Variants in GBF1 observed in about 807,000 individuals in gnomAD.
GBF1 encodes the protein golgi brefeldin A resistant guanine nucleotide exchange factor 1.
A neutral mutation model predicts 210.5 loss-of-function variants in GBF1; 114 were observed. The ratio of observed to expected loss-of-function variants is 0.54; its 90% confidence interval spans 0.47 to 0.63. GBF1 has a LOEUF of 0.63. Ranked by LOEUF, GBF1 falls within the 30% of genes least tolerant of loss-of-function variation. The pLI, the probability that GBF1 is intolerant of heterozygous loss-of-function variation, is 0.00. For missense variants in GBF1, 1,851 were observed against 2,357.7 expected, an observed-to-expected ratio of 0.79 and a Z score of 4.45; for synonymous variants, 850 against 889.2, an observed-to-expected ratio of 0.96 and a Z score of 0.78.
intron 20 of GBF1, 70 bp downstream of exon 20, chr10:102,367,280 A>G: frequency 1.3e-6 from 2 of 1,511,684 alleles, no homozygotes; most frequent in Non-Finnish European, 1.8e-6. Flanking sequence ...AGGACATAGG[A>G]TTTCCAGTGG....
At chr10:102,367,846 A>T (rs2059993855) in intron 21 of GBF1, among the ~76,000 whole-genome samples, 1 of 152,218 alleles carries the variant, frequency 6.6e-6, no homozygotes, top group Non-Finnish European at 1.5e-5. Flanking sequence ...TGTATAGATT[A>T]CAAGATGCTG....
chr10:102,336,250 A>C (rs2057725373), intron 3 of GBF1, among the ~76,000 whole-genome samples: 1 of 151,140 alleles, frequency 6.6e-6, no homozygotes, highest in Admixed American at 6.6e-5. Flanking sequence ...GCAGTGAGCC[A>C]AGATCACTCC....
intron 29 of GBF1, among the ~76,000 whole-genome samples, chr10:102,373,914 A>G (rs971042682): frequency 1.3e-5 from 2 of 152,240 alleles, no homozygotes; most frequent in African/African-American, 4.8e-5. Context: ...TGTGGTACAT[A>G]CACACCATGG....
chr10:102,318,063 C>T (rs751202013), intron 3 of GBF1, among the ~76,000 whole-genome samples: 9 of 152,240 alleles, frequency 5.9e-5, no homozygotes, highest in African/African-American at 1.2e-4. Context: ...CGCCTGCCAC[C>T]ACGCCTGGCT....
upstream of GBF1, among the ~76,000 whole-genome samples, chr10:102,240,684 T>C (rs1253056235): frequency 3.9e-5 from 6 of 152,246 alleles, no homozygotes; most frequent in African/African-American, 1.4e-4. Context: ...TGTCCGATTC[T>C]GAGGCGGCCT....
At position 102,366,204 on chromosome 10, in the gene GBF1, G is replaced by A. The variant is rs1003354609; in HGVS notation, c.2310-179G>A. Among the ~76,000 whole-genome samples, 5 of 152,158 alleles carry A rather than the reference G, an allele frequency of 3.3e-5. No homozygotes were observed. The highest frequency in any genetic ancestry group is 6.5e-5 in the Admixed American group (1 of 15,268). On this transcript the variant is annotated intron_variant, in intron 18 of 39. Coordinates refer to ENST00000369983, the MANE Select transcript of GBF1 (RefSeq NM_001377137.1). The surrounding 1 kb of genome is among the most constrained non-coding windows in gnomAD (Gnocchi z 4.0). ...TGAGGGTTCTAGGCAAGAGTCCGTGGATGTGAAAAGTATTAAGGCTAGGGG... is the reference window on the plus strand; with the variant it reads ...TGAGGGTTCTAGGCAAGAGTCCGTGAATGTGAAAAGTATTAAGGCTAGGGG...
intron 1 of GBF1, among the ~76,000 whole-genome samples, chr10:102,253,673 CCTA>C (rs1417521298): frequency 6.6e-6 from 1 of 151,968 alleles, no homozygotes; most frequent in African/African-American, 2.4e-5. Flanking sequence ...GCCACCATGC[CCTA>C]CTAATTTTTA....
chr10:102,291,078 A>G (rs1250686850), intron 3 of GBF1, among the ~76,000 whole-genome samples: 4 of 152,002 alleles, frequency 2.6e-5, no homozygotes, highest in Non-Finnish European at 5.9e-5. Context: ...TCGGATTTGT[A>G]TTACATGTAT....
chr10:102,319,177 G>A (rs770995634), intron 3 of GBF1, among the ~76,000 whole-genome samples: 20 of 152,214 alleles, frequency 1.3e-4, no homozygotes, highest in African/African-American at 2.4e-4. Flanking sequence ...AAAATTAGCC[G>A]GGCGTGGTGG....
At chr10:102,331,785 G>A (rs1294311767) in intron 3 of GBF1, among the ~76,000 whole-genome samples, 1 of 150,600 alleles carries the variant, frequency 6.6e-6, no homozygotes, top group Non-Finnish European at 1.5e-5. Context: ...GGGCTCAAGT[G>A]ATCCACCCCA....
chr10:102,250,747 A>G (rs1198412828), intron 1 of GBF1, among the ~76,000 whole-genome samples: 2 of 152,140 alleles, frequency 1.3e-5, no homozygotes, highest in African/African-American at 4.8e-5. Flanking sequence ...ACCTGAGGTC[A>G]GGAGTTAAAG....
At chr10:102,278,613 C>T (rs369365353) in intron 3 of GBF1, among the ~76,000 whole-genome samples, 8 of 152,066 alleles carry the variant, frequency 5.3e-5, no homozygotes, top group South Asian at 2.1e-4. Context: ...AAACATTTGT[C>T]GTTTCTTTGT....
At chr10:102,352,137 C>T (rs183791053) in intron 6 of GBF1, among the ~76,000 whole-genome samples, 186 bp downstream of exon 6, 321 of 152,284 alleles carry the variant, frequency 2.1e-3, no homozygotes, top group African/African-American at 5.7e-3. Context: ...AGACCTCAGC[C>T]CATTATGCCA....
At chr10:102,368,987 A>T (rs1565172709) in intron 23 of GBF1, among the ~76,000 whole-genome samples, 155 bp downstream of exon 23, 1 of 152,122 alleles carries the variant, frequency 6.6e-6, no homozygotes, top group Non-Finnish European at 1.5e-5. Flanking sequence ...TCTGTCTTGC[A>T]CACTCTGGGA....
intron 3 of GBF1, among the ~76,000 whole-genome samples, chr10:102,277,459 G>A (rs569714022): frequency 2.0e-5 from 3 of 148,546 alleles, no homozygotes; most frequent in African/African-American, 5.0e-5. Context: ...GCGTGATCTC[G>A]GCTCGCCTCC....
intron 29 of GBF1, among the ~76,000 whole-genome samples, chr10:102,371,858 C>T (rs766260779): frequency 1.4e-5 from 2 of 148,070 alleles, no homozygotes; most frequent in Non-Finnish European, 3.0e-5. Context: ...GAACTCAAGG[C>T]GGAGGTTGCA....
chr10:102,242,038 CTCT>C (rs1353940568), upstream of GBF1, among the ~76,000 whole-genome samples: 4 of 152,314 alleles, frequency 2.6e-5, no homozygotes, highest in East Asian at 5.8e-4. Context: ...CCTTTCTTTC[CTCT>C]TCTTTCTCCT....
intron 3 of GBF1, among the ~76,000 whole-genome samples, chr10:102,326,548 T>A (rs2056918222): frequency 6.6e-6 from 1 of 152,134 alleles, no homozygotes; most frequent in African/African-American, 2.4e-5. Context: ...ATAATTAACA[T>A]ACAATAAAAT....
intron 3 of GBF1, among the ~76,000 whole-genome samples, chr10:102,324,718 C>T (rs2056749017): frequency 6.6e-6 from 1 of 152,110 alleles, no homozygotes; most frequent in Non-Finnish European, 1.5e-5. Flanking sequence ...TTCTGAGTAG[C>T]TGGGATTACA....
Sources: allele counts gnomAD v4.1 joint callset (sites outside exome capture counted in the v4.1 genomes callset), GRCh38; gene constraint gnomAD v4.1.1; non-coding constraint Gnocchi (gnomAD v3.1); transcripts MANE v1.5; gene names NCBI Gene and HGNC (gene_info 2026-07-23, HGNC 2026-07-21).